Variants in IRAK1BP1 observed in about 807,000 individuals in gnomAD.
IRAK1BP1 encodes interleukin 1 receptor associated kinase 1 binding protein 1, also known as interleukin-1 receptor-associated kinase 1-binding protein 1.
Under a neutral mutation model 28.0 loss-of-function variants are expected in IRAK1BP1, and 24 were observed. That is an observed-to-expected ratio of 0.86 (90% CI 0.62 to 1.20). IRAK1BP1 has a LOEUF of 1.20. IRAK1BP1 is among the 50% of genes most tolerant of loss of function. IRAK1BP1 has a pLI of 0.00. For synonymous variants in IRAK1BP1, 131 were observed against 116.3 expected (o/e 1.13, Z -0.81); for missense variants, 336 against 316.7 (o/e 1.06, Z -0.46).
chr6:78,904,287 G>A (rs566389436), downstream of IRAK1BP1, among the ~76,000 whole-genome samples: 4 of 152,250 alleles, frequency 2.6e-5, no homozygotes, highest in Non-Finnish European at 5.9e-5. Flanking sequence ...CAGAACCTAT[G>A]TTCATTTCAA....
At chr6:78,871,162 T>C (rs567803362) in intron 1 of IRAK1BP1, 9 of 577,144 alleles carry the variant, frequency 1.6e-5, no homozygotes, top group East Asian at 1.4e-4. Context: ...ATTTGGTATA[T>C]AGTGAATGCT....
rs201918575 is a variant in IRAK1BP1, at chr6:78,937,689, AG to A, written c.*68-7718del. 8 of 130,504 alleles carry A rather than the reference AG, an allele frequency of 6.1e-5. No individual in the cohort carries two copies. The South Asian group carries it at 2.4e-3, about 38-fold the overall frequency. 8.1% of individuals were successfully genotyped at this position (130,504 alleles called of 1,614,324 possible). On this transcript the variant is annotated intron_variant and NMD_transcript_variant, in intron 4 of 4. Transcript: ENST00000606868. The stretch of plus-strand genomic sequence containing the variant: ...AACAATTGAAATAAGGCCAATCTTT[AG>A]TTTATAATACATGCAGAAAATAGTC...
intron 2 of IRAK1BP1, among the ~76,000 whole-genome samples, chr6:78,892,458 AT>A (rs1009959240): frequency 3.9e-5 from 6 of 152,174 alleles, no homozygotes; most frequent in African/African-American, 1.4e-4. Context: ...TTTAAATCAT[AT>A]TTTTTTCATC....
chr6:78,929,449 C>T lies in IRAK1BP1; in HGVS notation c.*68-15959C>T, dbSNP rs151050432. On this transcript the variant is annotated intron_variant and NMD_transcript_variant, in intron 4 of 4. Coordinates refer to the IRAK1BP1 transcript ENST00000606868. The stretch of plus-strand genomic sequence containing the variant: ...AATTAATGCAGAAACAGAAAAGCCA[C>T]GTACCACATGTTCTCACTTATAAGT... Among the ~76,000 whole-genome samples the T allele has an allele frequency of 6.6e-4, 101 of 152,150 alleles. 1 individual carries two copies. The South Asian group carries it at 8.1e-3, about 12-fold the overall frequency.
At chr6:78,961,699 C>T in the IRAK1BP1 span, 1 of 1,611,904 alleles carries the variant, frequency 6.2e-7, no homozygotes. Context: ...CCTGTAAAAC[C>T]TGTTTTCCAG....
chr6:78,900,932 T>C lies in IRAK1BP1; in HGVS notation c.*2598T>C, dbSNP rs1245323457. 6.6e-6 allele frequency: 1 copy of C among 152,190 alleles called. No homozygotes were observed. The highest frequency in any genetic ancestry group is 1.5e-5 in the Non-Finnish European group (1 of 68,014). The allele number at this position is 152,190 out of a possible 1,614,324, so 9.4% of individuals were successfully genotyped here. A position where few individuals can be genotyped will look rare whatever the true frequency, so the allele number is the denominator to read the frequency against. On this transcript the variant is annotated 3_prime_UTR_variant, in exon 4 of 4. Coordinates refer to ENST00000369940, the MANE Select transcript of IRAK1BP1 (RefSeq NM_001010844.4). Reference sequence around the variant, plus strand: ...TCCTCCATTAGGAAGAATTTTTAAATAGCCATATTGAAAATAAAGTTGTCA... The same window carrying C: ...TCCTCCATTAGGAAGAATTTTTAAACAGCCATATTGAAAATAAAGTTGTCA...
the IRAK1BP1 span, chr6:78,969,734 T>C: frequency 1.8e-6 from 1 of 566,036 alleles, no homozygotes; most frequent in East Asian, 3.0e-5. Flanking sequence ...AGCAAAAAGA[T>C]TTCTCTGATA....
the IRAK1BP1 span, chr6:78,970,691 T>C: frequency 1.3e-6 from 1 of 785,220 alleles, no homozygotes; most frequent in Non-Finnish European, 2.1e-6. Flanking sequence ...ATGCAGTTTC[T>C]TATTGTGTTA....
intron 4 of IRAK1BP1, chr6:78,935,622 A>G: frequency 1.0e-6 from 1 of 981,900 alleles, no homozygotes; most frequent in Non-Finnish European, 1.2e-6. Flanking sequence ...AAGGCATATA[A>G]GTTTTTGACC....
intron 1 of IRAK1BP1, among the ~76,000 whole-genome samples, chr6:78,881,985 A>C (rs2127643725): frequency 6.6e-6 from 1 of 152,142 alleles, no homozygotes; most frequent in East Asian, 1.9e-4. Flanking sequence ...AGAAAATTTT[A>C]CATGTAAGTT....
chr6:78,972,171 C>A, the IRAK1BP1 span, among the ~76,000 whole-genome samples: 1 of 152,184 alleles, frequency 6.6e-6, no homozygotes, highest in Non-Finnish European at 1.5e-5. Context: ...CAGTACGCAG[C>A]TGGAGATATG....
intron 4 of IRAK1BP1, among the ~76,000 whole-genome samples, chr6:78,911,753 G>A (rs1405140660): frequency 6.6e-6 from 1 of 152,218 alleles, no homozygotes. Flanking sequence ...GGGTTAAGTA[G>A]ATGTTATGAA....
chr6:78,902,712 A>G lies in IRAK1BP1; in HGVS notation c.*4378A>G. On this transcript the variant is annotated 3_prime_UTR_variant, in exon 4 of 4. Coordinates refer to ENST00000369940, the MANE Select transcript of IRAK1BP1 (RefSeq NM_001010844.4). ...CTCGAACCTGGGAGGCAGAGCTTAC[A>G]GTGAGCCGAGATCGCACCACTGCAC... is the stretch of plus-strand genomic sequence containing the variant. 3.4e-6 allele frequency: 1 copy of G among 294,438 alleles called. No individual in the cohort carries two copies. Among genetic ancestry groups the G allele is most frequent in the Non-Finnish European group, 6.3e-6 (1 of 158,822 alleles). 18.2% of individuals were successfully genotyped at this position (294,438 alleles called of 1,614,324 possible).
At chr6:78,892,099 G>C (rs1771684636) in intron 2 of IRAK1BP1, among the ~76,000 whole-genome samples, 1 of 151,988 alleles carries the variant, frequency 6.6e-6, no homozygotes, top group South Asian at 2.1e-4. Flanking sequence ...AACAAAACAA[G>C]GTAAATACTT....
At chr6:78,932,193 T>G (rs929127390) in intron 4 of IRAK1BP1, among the ~76,000 whole-genome samples, 1 of 152,128 alleles carries the variant, frequency 6.6e-6, no homozygotes, top group African/African-American at 2.4e-5. Context: ...CTGCAGTGAC[T>G]TCCTCCACTG....
At chr6:78,953,774 C>T in the IRAK1BP1 span, among the ~76,000 whole-genome samples, 56 of 152,164 alleles carry the variant, frequency 3.7e-4, no homozygotes, top group South Asian at 6.5e-3. Context: ...TTAGTAGAGA[C>T]GGGATTTTAC....
At chr6:78,914,668 G>A (rs1772512298) in intron 4 of IRAK1BP1, among the ~76,000 whole-genome samples, 1 of 152,148 alleles carries the variant, frequency 6.6e-6, no homozygotes, top group Non-Finnish European at 1.5e-5. Context: ...ATAATTGCTA[G>A]AAAGATTTCC....
At chr6:78,907,909 G>A (rs552365483), downstream of IRAK1BP1, among the ~76,000 whole-genome samples, 2 of 151,544 alleles carry the variant, frequency 1.3e-5, no homozygotes, top group East Asian at 1.9e-4. Context: ...TAGTAGAGAC[G>A]GGGTTTCACC....
chr6:78,954,739 C>A, the IRAK1BP1 span: 1 of 881,648 alleles, frequency 1.1e-6, no homozygotes. Context: ...TAAAAAGTAA[C>A]TAAAATAGCC....
Sources: allele counts gnomAD v4.1 joint callset (sites outside exome capture counted in the v4.1 genomes callset), GRCh38; gene constraint gnomAD v4.1.1; transcripts MANE v1.5; gene names NCBI Gene and HGNC (gene_info 2026-07-23, HGNC 2026-07-21).